The following CLCN7 variants were observed in gnomAD, a reference collection of about 807,000 sequenced individuals.
CLCN7 encodes the protein H(+)/Cl(-) exchange transporter 7.
CLCN7 carries 60 observed loss-of-function variants against 102.1 expected under a neutral mutation model. That is an observed-to-expected ratio of 0.59 (90% CI 0.48 to 0.73). CLCN7 has a LOEUF of 0.73. CLCN7 is among the 30% of genes least tolerant of loss of function. The pLI is 0.00. For synonymous variants in CLCN7, 560 were observed against 490.5 expected (o/e 1.14, Z -1.87); for missense variants, 962 against 1,125.7 (o/e 0.85, Z 2.08).
chr16:1,474,833 C>A lies in CLCN7; in HGVS notation c.141+1G>T, dbSNP rs1191141117. The A allele has an allele frequency of 7.4e-7, 1 of 1,355,956 alleles. No individual in the cohort carries two copies. The highest frequency in any genetic ancestry group is 2.6e-4 in the Middle Eastern group (1 of 3,804). 84.0% of individuals were successfully genotyped at this position (1,355,956 alleles called of 1,614,324 possible). On this transcript the variant is annotated splice_donor_variant, in intron 1 of 24. Coordinates refer to ENST00000382745, the MANE Select transcript of CLCN7 (RefSeq NM_001287.6). LOFTEE classifies it high-confidence loss of function. ...CCCGCCTGCGCCCTGCCCGGCCTCA[C>A]CTGGCGCGCAGCCCCAGGCCCAGCC... is the stretch of plus-strand genomic sequence containing the variant.
Position 1,454,538 on chromosome 16 carries a change from G to T in CLCN7, c.1099-73C>A. ...CAGCTCCTTTCTGCTGAAACTCAAG[G>T]ACCACCATCTTAAGAGAGCTGTCCC... is the stretch of plus-strand genomic sequence containing the variant. On this transcript the variant is annotated intron_variant, in intron 12 of 24. Coordinates refer to ENST00000382745, the MANE Select transcript of CLCN7 (RefSeq NM_001287.6). 2.1e-6 allele frequency: 3 copies of T among 1,409,184 alleles called. No individual in the cohort carries two copies. The South Asian group carries it at 3.5e-5, about 16-fold the overall frequency. The allele number at this position is 1,409,184 out of a possible 1,614,324, so 87.3% of individuals were successfully genotyped here. A position where few individuals can be genotyped will look rare whatever the true frequency, so the allele number is the denominator to read the frequency against.
chr16:1,462,683 A>AAAAAAAAAAAAAAAC (rs1471363912), intron 2 of CLCN7, among the ~76,000 whole-genome samples: 1 of 150,960 alleles, frequency 6.6e-6, no homozygotes, highest in African/African-American at 2.5e-5. Flanking sequence ...AAAAAAAAAA[A>AAAAAAAAAAAAAAAC]AAAACCAGGC....
At chr16:1,460,686 A>C (rs1317140789) in intron 5 of CLCN7, 130 bp downstream of exon 5, 1 of 1,431,524 alleles carries the variant, frequency 7.0e-7, no homozygotes, top group Non-Finnish European at 9.7e-7. Context: ...CAACCATGAC[A>C]GGGACACAGC....
chr16:1,464,367 A>T (rs2142394291), intron 2 of CLCN7, among the ~76,000 whole-genome samples: 1 of 152,288 alleles, frequency 6.6e-6, no homozygotes, highest in African/African-American at 2.4e-5. Flanking sequence ...GCCCCTCCCA[A>T]AGCTGACACC....
intron 1 of CLCN7, among the ~76,000 whole-genome samples, chr16:1,465,877 C>T (rs1386696469): frequency 1.3e-5 from 2 of 152,196 alleles, no homozygotes; most frequent in Non-Finnish European, 2.9e-5. Context: ...GCTTTGCGGC[C>T]GCCCCAGCTC....
rs200321142 is a variant in CLCN7 at position 1,461,479 on chromosome 16, C to A, written c.286-9G>T. On this transcript the variant is annotated splice_polypyrimidine_tract_variant and intron_variant, in intron 3 of 24. Transcript: ENST00000382745. ...TTGTCATAGTCCAAGCTCTGCAGGC[C>A]GGGACAGCAAGGGCAGCACTCAGCA... 6.8e-5 allele frequency: 107 copies of A among 1,584,358 alleles called. No individual in the cohort carries two copies. In the East Asian group the frequency reaches 1.7e-3, roughly 25 times the overall value.
chr16:1,448,535 C>CA, intron 20 of CLCN7, 51 bp from the exon 21 acceptor site: 3 of 1,603,884 alleles, frequency 1.9e-6, no homozygotes, highest in Non-Finnish European at 2.5e-6. Context: ...CCAACTCCCA[C>CA]AGTTACCTCT....
intron 16 of CLCN7, among the ~76,000 whole-genome samples, chr16:1,451,184 C>T (rs1458345217): frequency 6.6e-6 from 1 of 152,238 alleles, no homozygotes; most frequent in Non-Finnish European, 1.5e-5. Flanking sequence ...AGGCCGTGGT[C>T]TTGGTGTGGG....
chr16:1,469,199 C>T (rs1485027043), intron 1 of CLCN7, among the ~76,000 whole-genome samples: 1 of 151,978 alleles, frequency 6.6e-6, no homozygotes, highest in African/African-American at 2.4e-5. Context: ...GAGCAAGACC[C>T]TGTCTCAAAT....
chr16:1,467,320 C>T (rs1207604644), intron 1 of CLCN7, among the ~76,000 whole-genome samples: 1 of 152,190 alleles, frequency 6.6e-6, no homozygotes, highest in Admixed American at 6.5e-5. Context: ...GCGCCTGCCC[C>T]TCCTCTTCCC....
chr16:1,450,496 C>A lies in CLCN7; in HGVS notation c.1617+1G>T. 6.3e-7 allele frequency: 1 copy of A among 1,597,370 alleles called. No homozygotes were observed. The highest frequency in any genetic ancestry group is 8.5e-7 in the Non-Finnish European group (1 of 1,173,028). On this transcript the variant is annotated splice_donor_variant, in intron 17 of 24. Coordinates refer to ENST00000382745, the MANE Select transcript of CLCN7 (RefSeq NM_001287.6). LOFTEE classifies it high-confidence loss of function. ...ACAGCCTCCCCTCCGGCCCCACTCA[C>A]CGCCGCCCCCGTGAGGTAGGACAGG...
At chr16:1,449,960 G>A (rs2038717737) in intron 17 of CLCN7, 1 of 173,984 alleles carries the variant, frequency 5.7e-6, no homozygotes, top group Non-Finnish European at 1.2e-5. Flanking sequence ...TGCCGGGGAT[G>A]AGAAGCATGG....
chr16:1,455,973 T>A (rs1423858599), intron 10 of CLCN7, 140 bp downstream of exon 10: 2 of 979,826 alleles, frequency 2.0e-6, no homozygotes, highest in African/African-American at 1.6e-5. Flanking sequence ...CCAAGTACAC[T>A]GCCGGCCGCT....
chr16:1,473,772 C>T (rs1175977836), intron 1 of CLCN7, among the ~76,000 whole-genome samples: 1 of 152,026 alleles, frequency 6.6e-6, no homozygotes, highest in African/African-American at 2.4e-5. Flanking sequence ...ATCAACAAAA[C>T]GGTCCATTAA....
chr16:1,450,486 GC>G lies in CLCN7; in HGVS notation c.1617+10del. ...GCAGGGCCCCACAGCCTCCCCTCCG[GC>G]CCCACTCACCGCCGCCCCCGTGAGG... On this transcript the variant is annotated intron_variant, in intron 17 of 24. Transcript: ENST00000382745. 6.3e-7 allele frequency: 1 copy of G among 1,590,154 alleles called. No individual in the cohort carries two copies. Among genetic ancestry groups the G allele is most frequent in the Non-Finnish European group, 8.6e-7 (1 of 1,169,204 alleles).
chr16:1,460,670 A>T (rs1437664073), intron 5 of CLCN7, 143 bp from the exon 6 acceptor site: 5 of 1,356,326 alleles, frequency 3.7e-6, no homozygotes, highest in South Asian at 1.2e-5. Context: ...GAGACGTCTC[A>T]CGGCCCAACC....
intron 5 of CLCN7, 67 bp from the exon 6 acceptor site, chr16:1,460,594 C>G: frequency 6.6e-6 from 9 of 1,373,988 alleles, no homozygotes; most frequent in Non-Finnish European, 9.3e-6. Flanking sequence ...CTCAGCCCTG[C>G]CCCACAGACC....
intron 14 of CLCN7, among the ~76,000 whole-genome samples, chr16:1,453,451 T>C (rs557749665): frequency 2.0e-5 from 3 of 152,308 alleles, no homozygotes; most frequent in Non-Finnish European, 1.5e-5. Context: ...CCCGACAGTA[T>C]TGAAATCAGC....
At position 1,460,474 on chromosome 16, in the gene CLCN7, C is replaced by A; in HGVS notation, c.538G>T (p.Ala180Ser). The A allele has an allele frequency of 6.2e-7, 1 of 1,613,836 alleles. No homozygotes were observed. The highest frequency in any genetic ancestry group is 8.5e-7 in the Non-Finnish European group (1 of 1,179,982). The change falls in exon 6 of 25, where the codon GCC becomes TCC. Residue 180 changes from alanine (A) to serine (S), a missense_variant. Ala to Ser is a moderately conservative substitution (Grantham distance 99). Coordinates refer to ENST00000382745, the MANE Select transcript of CLCN7 (RefSeq NM_001287.6). ...AGCACGAAGGCGGCGTTCAGCGTGG[C>A]CCACAGCAACAGGGAGAAGGACAGT... ...GGLSFSLLLW[A>S]TLNAAFVLVG... is the part of the protein sequence containing the mutation.
Sources: gnomAD v4.1 joint callset for allele counts (sites outside exome capture counted in the v4.1 genomes callset) on GRCh38, gnomAD v4.1.1 for gene constraint, MANE v1.5 for transcripts, NCBI Gene and HGNC (gene_info 2026-07-23, HGNC 2026-07-21) for gene names.